ZGRF1: variants seen among roughly 807,000 people sequenced by gnomAD.
The protein encoded by ZGRF1 is zinc finger GRF-type containing 1.
Under a neutral mutation model 203.5 loss-of-function variants are expected in ZGRF1, and 196 were observed. The ratio of observed to expected loss-of-function variants is 0.96; its 90% confidence interval spans 0.86 to 1.08. ZGRF1 has a LOEUF of 1.08. Ranked by LOEUF, ZGRF1 falls within the 50% of genes least tolerant of loss-of-function variation. The pLI is 0.00. For synonymous variants in ZGRF1, 809 were observed against 841.3 expected (o/e 0.96, Z 0.66); for missense variants, 2,326 against 2,416.3 (o/e 0.96, Z 0.78).
chr4:112,550,633 G>A (rs986322503), intron 22 of ZGRF1, among the ~76,000 whole-genome samples: 27 of 152,058 alleles, frequency 1.8e-4, no homozygotes, highest in African/African-American at 3.4e-4. Flanking sequence ...CAGGCGGATC[G>A]CTTAAGGTCA....
intron 9 of ZGRF1, 133 bp from the exon 10 acceptor site, chr4:112,603,830 T>C (rs1750349047): frequency 3.4e-6 from 2 of 596,480 alleles, no homozygotes; most frequent in Non-Finnish European, 5.5e-6. Context: ...CAGGAACTAA[T>C]GCTGAAAACC....
chr4:112,625,454 A>G (rs571070324), intron 3 of ZGRF1, among the ~76,000 whole-genome samples: 10 of 151,782 alleles, frequency 6.6e-5, no homozygotes, highest in African/African-American at 1.2e-4. Flanking sequence ...GCGCGGTGGC[A>G]GGCGCCTGTA....
intron 1 of ZGRF1, among the ~76,000 whole-genome samples, chr4:112,635,829 T>C (rs759896990): frequency 6.6e-6 from 1 of 151,936 alleles, no homozygotes; most frequent in African/African-American, 2.4e-5. Context: ...GGATAACTTA[T>C]ATGCTATTTC....
intron 24 of ZGRF1, chr4:112,546,758 C>G (rs1343775729): frequency 6.6e-6 from 1 of 152,346 alleles, no homozygotes; most frequent in Non-Finnish European, 1.5e-5. Context: ...CTCTCACACT[C>G]TCTTGCTCTT....
At chr4:112,550,191 CA>C (rs375935890) in intron 22 of ZGRF1, among the ~76,000 whole-genome samples, 5 of 141,062 alleles carry the variant, frequency 3.5e-5, no homozygotes, top group Non-Finnish European at 1.5e-5. Flanking sequence ...GACTCCATCT[CA>C]AAAAAAAAAC....
intron 16 of ZGRF1, among the ~76,000 whole-genome samples, chr4:112,573,044 T>C (rs1016843413): frequency 6.6e-6 from 1 of 152,008 alleles, no homozygotes; most frequent in African/African-American, 2.4e-5. Flanking sequence ...CACTACTGGG[T>C]ATCTATTCAG....
intron 12 of ZGRF1, 55 bp downstream of exon 12, chr4:112,587,225 A>G: frequency 6.7e-7 from 1 of 1,500,850 alleles, no homozygotes. Flanking sequence ...CTTTTGTTGA[A>G]ATTCAGACAA....
chr4:112,592,799 A>C (rs1174731961), intron 10 of ZGRF1, among the ~76,000 whole-genome samples: 1 of 152,224 alleles, frequency 6.6e-6, no homozygotes, highest in African/African-American at 2.4e-5. Flanking sequence ...AGAATTATGT[A>C]CCCACAAAAA....
At position 112,585,561 on chromosome 4, in the gene ZGRF1, T is replaced by C. The variant is rs1326065506; in HGVS notation, c.4081A>G (p.Lys1361Glu). 6.2e-7 allele frequency: 1 copy of C among 1,610,684 alleles called. No individual in the cohort carries two copies. Among genetic ancestry groups the C allele is most frequent in the Admixed American group, 1.7e-5 (1 of 59,326 alleles). ...AATACCTTATTTGGACCTTCCTTTT[T>C]AACCATGACAAGTTTTGCAGGTTGA... The part of the protein sequence containing the change: ...HSQPAKLVMV[K>E]KEGPNKGRLF... Residue 1361 changes from lysine to glutamate, a missense_variant, in exon 14 of 28, where the codon AAA becomes GAA. Coordinates refer to ENST00000505019, the MANE Select transcript of ZGRF1 (RefSeq NM_018392.5).
chr4:112,542,149 C>T (rs899448614), intron 24 of ZGRF1, among the ~76,000 whole-genome samples: 2 of 152,058 alleles, frequency 1.3e-5, no homozygotes, highest in Admixed American at 1.3e-4. Flanking sequence ...CAAGACCTGC[C>T]TGGCAAACAT....
chr4:112,591,808 G>A (rs184774035), intron 10 of ZGRF1, among the ~76,000 whole-genome samples: 357 of 152,134 alleles, frequency 2.3e-3, no homozygotes, highest in Admixed American at 3.8e-3. Flanking sequence ...CCACTCCCAT[G>A]TGCACTCCCT....
chr4:112,575,791 G>T (rs189369482), intron 16 of ZGRF1, among the ~76,000 whole-genome samples: 1,675 of 152,280 alleles, frequency 0.011, 10 homozygotes, highest in Middle Eastern at 0.044. Context: ...AGCTCGAACT[G>T]GGTGGAGCCC....
intron 4 of ZGRF1, among the ~76,000 whole-genome samples, chr4:112,621,729 T>C (rs1043441768): frequency 7.6e-5 from 7 of 92,008 alleles, no homozygotes; most frequent in African/African-American, 2.0e-4. Context: ...ACTAATGAAA[T>C]GATTTTTTTT....
chr4:112,562,111 G>A (rs1005888663), intron 18 of ZGRF1, among the ~76,000 whole-genome samples: 17 of 152,028 alleles, frequency 1.1e-4, no homozygotes, highest in African/African-American at 3.6e-4. Context: ...GTTTCTCCAT[G>A]TTGGTCAGGC....
intron 8 of ZGRF1, among the ~76,000 whole-genome samples, chr4:112,608,939 T>C (rs1481813634): frequency 6.6e-6 from 1 of 152,224 alleles, no homozygotes; most frequent in African/African-American, 2.4e-5. Context: ...AGTACATTTA[T>C]ACTAAATGAA....
intron 22 of ZGRF1, among the ~76,000 whole-genome samples, chr4:112,551,629 A>G (rs1415636018): frequency 6.6e-6 from 1 of 152,210 alleles, no homozygotes; most frequent in Non-Finnish European, 1.5e-5. Context: ...CCACATTTAT[A>G]TCAGAAATTC....
intron 21 of ZGRF1, among the ~76,000 whole-genome samples, chr4:112,554,376 A>G (rs1740562374): frequency 6.6e-6 from 1 of 152,094 alleles, no homozygotes; most frequent in Admixed American, 6.6e-5. Flanking sequence ...TAAATCATGC[A>G]CACGTATGTT....
intron 22 of ZGRF1, among the ~76,000 whole-genome samples, chr4:112,553,563 C>T (rs1337296726): frequency 1.3e-5 from 2 of 152,096 alleles, no homozygotes; most frequent in African/African-American, 4.8e-5. Flanking sequence ...CTCTTCAAGC[C>T]TATAAAAAGA....
chr4:112,590,874 G>A (rs1483861745), intron 10 of ZGRF1, among the ~76,000 whole-genome samples: 2 of 145,918 alleles, frequency 1.4e-5, no homozygotes, highest in Non-Finnish European at 3.0e-5. Flanking sequence ...GCAGTGAGCC[G>A]AGATCACGCC....
Sources: allele counts gnomAD v4.1 joint callset (sites outside exome capture counted in the v4.1 genomes callset), GRCh38; gene constraint gnomAD v4.1.1; transcripts MANE v1.5; gene names NCBI Gene and HGNC (gene_info 2026-07-23, HGNC 2026-07-21).